Variants in PRSS23 observed in about 807,000 individuals in gnomAD.
PRSS23 encodes the protein protease, serine 23.
In PRSS23, 25 loss-of-function variants were observed where a neutral mutation model predicts 34.7. That is an observed-to-expected ratio of 0.72 (90% confidence interval 0.53 to 1.01). PRSS23 has a LOEUF of 1.01. Among genes scored for constraint, PRSS23 ranks in the 50% least tolerant of loss-of-function variants. The pLI is 0.00. For missense variants in PRSS23, 445 were observed against 475.6 expected (o/e 0.94, Z 0.60); for synonymous variants, 176 against 186.6 (o/e 0.94, Z 0.46).
chr11:86,807,741 C>T lies in PRSS23; in HGVS notation c.98C>T (p.Pro33Leu). The change falls in exon 2 of 2, where the codon CCT becomes CTT. Residue 33 changes from proline (P) to leucine (L), a missense_variant. Physicochemically the swap from Pro to Leu is moderately conservative, Grantham distance 98 (BLOSUM62 -3). Transcript: ENST00000280258. Reference protein sequence around the residue: ...PYSAPWKPTWPAYRLPVVLPQ... With the variant: ...PYSAPWKPTWLAYRLPVVLPQ... Reference sequence around the variant, plus strand: ...AGTGCCCCCTGGAAACCCACTTGGCCTGCATACCGCCTCCCTGTCGTCTTG... The same window carrying T: ...AGTGCCCCCTGGAAACCCACTTGGCTTGCATACCGCCTCCCTGTCGTCTTG... 1.2e-6 allele frequency: 2 copies of T among 1,614,128 alleles called. No homozygotes were observed. The highest frequency in any genetic ancestry group is 1.7e-6 in the Non-Finnish European group (2 of 1,180,010).
At chr11:86,931,657 G>C (rs1949126672) in intron 2 of PRSS23, among the ~76,000 whole-genome samples, 1 of 152,180 alleles carries the variant, frequency 6.6e-6, no homozygotes, top group Admixed American at 6.5e-5. Flanking sequence ...GTACATGGCA[G>C]TTACCCAGTG....
At chr11:86,861,253 C>T (rs917662597) in intron 2 of PRSS23, among the ~76,000 whole-genome samples, 1 of 148,964 alleles carries the variant, frequency 6.7e-6, no homozygotes, top group Non-Finnish European at 1.5e-5. Context: ...CGATATTACT[C>T]TCAATGTCGC....
intron 1 of PRSS23, among the ~76,000 whole-genome samples, chr11:86,804,549 C>T (rs991314180): frequency 6.6e-6 from 1 of 152,162 alleles, no homozygotes; most frequent in Non-Finnish European, 1.5e-5. Flanking sequence ...ATTTATTCTT[C>T]AAAGTTAAAG....
In PRSS23 at chr11:86,890,176, A is replaced by G. The variant is rs551709677; in HGVS notation, c.207-61040A>G. 5.9e-5 allele frequency among the ~76,000 whole-genome samples: 9 copies of G among 152,238 alleles called. No homozygotes were observed. In the South Asian group the frequency reaches 6.2e-4, roughly 11 times the overall value. On this transcript the variant is annotated intron_variant, in intron 2 of 2. Coordinates refer to the PRSS23 transcript ENST00000533902. ...ATCCTAGCTACTCAGAGGCTGAGGC[A>G]TGAGAATCCTTTGAACCTGGGAGGC... is the stretch of plus-strand genomic sequence containing the variant.
chr11:86,821,843 C>A, intron 1 of PRSS23: 9 of 468,100 alleles, frequency 1.9e-5, no homozygotes, highest in South Asian at 4.5e-5. Flanking sequence ...CCTATTGGCT[C>A]GATTTAATAA....
chr11:86,823,863 G>T (rs1029804191), intron 2 of PRSS23, among the ~76,000 whole-genome samples: 1 of 151,070 alleles, frequency 6.6e-6, no homozygotes, highest in Non-Finnish European at 1.5e-5. Flanking sequence ...AAAATTAGCC[G>T]GGCGTGGTAG....
chr11:86,861,424 G>A (rs1948614111), intron 2 of PRSS23, among the ~76,000 whole-genome samples: 1 of 151,938 alleles, frequency 6.6e-6, no homozygotes, highest in African/African-American at 2.4e-5. Flanking sequence ...CATATCGCAG[G>A]GGGTGTGCAC....
At chr11:86,951,604 G>C (rs774888661) in exon 3 of PRSS23, 3 of 1,614,088 alleles carry the variant, frequency 1.9e-6, no homozygotes, top group Non-Finnish European at 2.5e-6. Flanking sequence ...TGAGGGCATC[G>C]AGATTTTGGT....
chr11:86,812,235 A>G (rs989456027), downstream of PRSS23, among the ~76,000 whole-genome samples: 1 of 152,174 alleles, frequency 6.6e-6, no homozygotes, highest in Admixed American at 6.5e-5. Flanking sequence ...TTGCTAATCT[A>G]GGAACAAAGG....
intron 2 of PRSS23, among the ~76,000 whole-genome samples, chr11:86,858,386 A>G (rs1000688533): frequency 6.6e-6 from 1 of 151,846 alleles, no homozygotes. Flanking sequence ...AGGGAGGGAG[A>G]GGATGTTATT....
intron 1 of PRSS23, among the ~76,000 whole-genome samples, chr11:86,807,236 G>A (rs1021813286): frequency 4.6e-5 from 7 of 152,068 alleles, no homozygotes; most frequent in African/African-American, 1.2e-4. Context: ...AGGGAAAGGC[G>A]GGGACATCAT....
intron 2 of PRSS23, among the ~76,000 whole-genome samples, chr11:86,823,818 A>G (rs1170315549): frequency 2.0e-5 from 3 of 152,000 alleles, no homozygotes; most frequent in Non-Finnish European, 2.9e-5. Context: ...CATCCTGGCT[A>G]ACACGGTGAA....
At chr11:86,887,648 T>C (rs1948811868) in intron 2 of PRSS23, among the ~76,000 whole-genome samples, 1 of 152,170 alleles carries the variant, frequency 6.6e-6, no homozygotes, top group Non-Finnish European at 1.5e-5. Flanking sequence ...ACATAATAAT[T>C]ACCGTGCACC....
intron 2 of PRSS23, among the ~76,000 whole-genome samples, chr11:86,903,335 C>T (rs1219704960): frequency 1.3e-5 from 2 of 152,120 alleles, no homozygotes; most frequent in African/African-American, 4.8e-5. Flanking sequence ...GTCACAAGGT[C>T]ACTGCAATCA....
intron 2 of PRSS23, among the ~76,000 whole-genome samples, chr11:86,918,701 C>T (rs1662067710): frequency 1.3e-5 from 2 of 152,200 alleles, no homozygotes; most frequent in African/African-American, 4.8e-5. Flanking sequence ...GGACATATAC[C>T]AGGTGTTCCA....
At chr11:86,916,002 C>T (rs1311787741) in intron 2 of PRSS23, among the ~76,000 whole-genome samples, 1 of 152,060 alleles carries the variant, frequency 6.6e-6, no homozygotes, top group East Asian at 1.9e-4. Context: ...TTACAGTGAG[C>T]CGAGATCACA....
intron 2 of PRSS23, among the ~76,000 whole-genome samples, chr11:86,941,894 T>C (rs1432354746): frequency 1.3e-5 from 2 of 152,176 alleles, no homozygotes; most frequent in East Asian, 3.8e-4. Flanking sequence ...AGTTTCTCCA[T>C]CTAACAAGGT....
In PRSS23 at chr11:86,846,975, G is replaced by C. The variant is rs955618652; in HGVS notation, c.206+23382G>C. Reference sequence around the variant, plus strand: ...CCCAGATAAACTTTCCCCTTCCTTGGGGCCTATCAAGTACAATCTATGGTG... The same window carrying C: ...CCCAGATAAACTTTCCCCTTCCTTGCGGCCTATCAAGTACAATCTATGGTG... On this transcript the variant is annotated intron_variant, in intron 2 of 2. Coordinates refer to the PRSS23 transcript ENST00000533902. 2.0e-5 allele frequency among the ~76,000 whole-genome samples: 3 copies of C among 152,144 alleles called. No individual in the cohort carries two copies. In the East Asian group the frequency reaches 5.8e-4, roughly 29 times the overall value.
chr11:86,880,329 G>A (rs1470158358), intron 2 of PRSS23, among the ~76,000 whole-genome samples: 1 of 150,326 alleles, frequency 6.7e-6, no homozygotes, highest in Non-Finnish European at 1.5e-5. Flanking sequence ...AGGGTCCTCT[G>A]CATAGGAAAA....
Sources: gnomAD v4.1 joint callset for allele counts (sites outside exome capture counted in the v4.1 genomes callset) on GRCh38, gnomAD v4.1.1 for gene constraint, MANE v1.5 for transcripts, NCBI Gene and HGNC (gene_info 2026-07-23, HGNC 2026-07-21) for gene names.